Variants in SUCLG2 observed in about 807,000 individuals in gnomAD.
SUCLG2 encodes succinate--CoA ligase [GDP-forming] subunit beta, mitochondrial.
SUCLG2 carries 42 observed loss-of-function variants against 47.9 expected under a neutral mutation model. The ratio of observed to expected loss-of-function variants is 0.88; its 90% CI spans 0.69 to 1.14. The LOEUF (loss-of-function observed/expected upper bound fraction) is 1.14, where lower values mean the gene tolerates loss of function less well. Ranked by LOEUF, SUCLG2 falls within the 50% of genes most tolerant of loss-of-function variation. SUCLG2 has a pLI of 0.00. For missense variants in SUCLG2, 571 were observed against 525.9 expected, an observed-to-expected ratio of 1.09 and a Z score of -0.84; for synonymous variants, 195 against 197.3, an observed-to-expected ratio of 0.99 and a Z score of 0.10.
chr3:67,556,611 T>C (rs974642318), intron 2 of SUCLG2, among the ~76,000 whole-genome samples: 1 of 152,174 alleles, frequency 6.6e-6, no homozygotes, highest in Non-Finnish European at 1.5e-5. Flanking sequence ...AACATCCTAC[T>C]GTATCTGCAT....
chr3:67,477,042 G>C (rs1484508564), intron 9 of SUCLG2, among the ~76,000 whole-genome samples: 2 of 152,012 alleles, frequency 1.3e-5, no homozygotes, highest in Admixed American at 1.3e-4. Context: ...CATGATTCTT[G>C]AATCTACAAA....
intron 1 of SUCLG2, among the ~76,000 whole-genome samples, chr3:67,650,250 C>T (rs1315249463): frequency 6.6e-6 from 1 of 152,212 alleles, no homozygotes; most frequent in Non-Finnish European, 1.5e-5. Flanking sequence ...TAAGAACTTG[C>T]CCATAACCTT....
At chr3:67,414,079 A>C (rs1702984028) in intron 9 of SUCLG2, among the ~76,000 whole-genome samples, 1 of 152,142 alleles carries the variant, frequency 6.6e-6, no homozygotes, top group African/African-American at 2.4e-5. Context: ...GATTGCTTTG[A>C]ATATCATGTC....
At chr3:67,644,461 G>A (rs2107375344) in intron 1 of SUCLG2, among the ~76,000 whole-genome samples, 1 of 152,252 alleles carries the variant, frequency 6.6e-6, no homozygotes. Context: ...TAGAACAGTG[G>A]TTGGCAGGGA....
At chr3:67,483,569 G>C (rs929684345) in intron 9 of SUCLG2, among the ~76,000 whole-genome samples, 56 of 152,242 alleles carry the variant, frequency 3.7e-4, no homozygotes, top group African/African-American at 1.3e-3. Context: ...CAGTGTAAAC[G>C]ATTTTCTATC....
chr3:67,645,379 A>G (rs1285885830), intron 1 of SUCLG2, among the ~76,000 whole-genome samples: 2 of 152,090 alleles, frequency 1.3e-5, no homozygotes, highest in African/African-American at 4.8e-5. Flanking sequence ...CCTCAGGCCC[A>G]CCCTCGCTTA....
chr3:67,381,996 G>A (rs1702168793), intron 10 of SUCLG2, among the ~76,000 whole-genome samples: 1 of 152,174 alleles, frequency 6.6e-6, no homozygotes, highest in South Asian at 2.1e-4. Context: ...GCAAGGTGCA[G>A]ACGCCTCCTG....
chr3:67,367,457 A>T (rs1320701468), intron 10 of SUCLG2, among the ~76,000 whole-genome samples: 1 of 152,174 alleles, frequency 6.6e-6, no homozygotes, highest in Non-Finnish European at 1.5e-5. Context: ...TGTCTCACTT[A>T]ACTTTATGCA....
At chr3:67,619,975 C>T (rs1700705052) in intron 1 of SUCLG2, among the ~76,000 whole-genome samples, 1 of 152,064 alleles carries the variant, frequency 6.6e-6, no homozygotes, top group African/African-American at 2.4e-5. Context: ...TTAATTTTAC[C>T]CTGCAAACAG....
chr3:67,647,943 A>G (rs1168625568), intron 1 of SUCLG2, among the ~76,000 whole-genome samples: 2 of 152,252 alleles, frequency 1.3e-5, no homozygotes, highest in Non-Finnish European at 2.9e-5. Context: ...GCAGCACATG[A>G]TAAATGCTTA....
chr3:67,427,083 C>T (rs1367093215), intron 9 of SUCLG2, among the ~76,000 whole-genome samples: 3 of 152,120 alleles, frequency 2.0e-5, no homozygotes, highest in Non-Finnish European at 4.4e-5. Context: ...TTATATATTA[C>T]CTGAAAGAAC....
chr3:67,466,149 T>G (rs902535709), intron 9 of SUCLG2, among the ~76,000 whole-genome samples: 1 of 152,064 alleles, frequency 6.6e-6, no homozygotes, highest in African/African-American at 2.4e-5. Flanking sequence ...GGTCAGGAGT[T>G]CGAGACCAGC....
intron 9 of SUCLG2, among the ~76,000 whole-genome samples, chr3:67,449,868 C>T (rs1199398797): frequency 6.6e-6 from 1 of 152,082 alleles, no homozygotes; most frequent in African/African-American, 2.4e-5. Context: ...CCTGCATGGC[C>T]TCCAAAAGTG....
chr3:67,459,163 C>A (rs116246269), intron 9 of SUCLG2, among the ~76,000 whole-genome samples: 1 of 152,156 alleles, frequency 6.6e-6, no homozygotes, highest in Admixed American at 6.5e-5. Flanking sequence ...AATATGAATT[C>A]GTTATCACAG....
intron 2 of SUCLG2, among the ~76,000 whole-genome samples, chr3:67,584,621 T>C (rs1707964024): frequency 6.6e-6 from 1 of 152,206 alleles, no homozygotes; most frequent in Admixed American, 6.5e-5. Flanking sequence ...TATTAGTCCA[T>C]ATAATTGAAT....
chr3:67,498,898 G>A (rs1212194113), intron 7 of SUCLG2, among the ~76,000 whole-genome samples: 1 of 152,066 alleles, frequency 6.6e-6, no homozygotes, highest in Admixed American at 6.6e-5. Context: ...GAACAACATG[G>A]GTTTGAACTG....
intron 9 of SUCLG2, among the ~76,000 whole-genome samples, chr3:67,422,501 A>AAAAAAAAAAAAAAAAAG (rs1703189796): frequency 2.1e-5 from 3 of 146,138 alleles, no homozygotes; most frequent in Non-Finnish European, 3.1e-5. Context: ...AAAAAAAAAA[A>AAAAAAAAAAAAAAAAAG]AAGAACATTC....
intron 2 of SUCLG2, among the ~76,000 whole-genome samples, chr3:67,606,178 C>G (rs745680980): frequency 3.3e-5 from 5 of 152,128 alleles, no homozygotes; most frequent in Non-Finnish European, 5.9e-5. Flanking sequence ...GCACTCCAGA[C>G]TGGGTGACAG....
chr3:67,462,337 A>G (rs1048551789), intron 9 of SUCLG2, among the ~76,000 whole-genome samples: 1 of 152,172 alleles, frequency 6.6e-6, no homozygotes, highest in African/African-American at 2.4e-5. Flanking sequence ...AGAAGAAGGA[A>G]TGCTGCACAG....
Sources: gnomAD v4.1 joint callset for allele counts (sites outside exome capture counted in the v4.1 genomes callset) on GRCh38, gnomAD v4.1.1 for gene constraint, MANE v1.5 for transcripts, NCBI Gene and HGNC (gene_info 2026-07-23, HGNC 2026-07-21) for gene names.